Variants in EPHB1 observed in about 807,000 individuals in gnomAD.
EPHB1 encodes EPH receptor B1.
In EPHB1, 30 loss-of-function variants were observed where a neutral mutation model predicts 94.4. The ratio of observed to expected loss-of-function variants is 0.32; its 90% CI spans 0.24 to 0.43. EPHB1 has a LOEUF of 0.43. Ranked by LOEUF, EPHB1 falls within the 20% of genes least tolerant of loss-of-function variation. The probability of loss-of-function intolerance (pLI) is 1.00; values close to 1 mark genes in which losing one functional copy is unlikely to be tolerated. For missense variants in EPHB1, 1,055 were observed against 1,308.3 expected (o/e 0.81, Z 2.99); for synonymous variants, 522 against 489.1 (o/e 1.07, Z -0.89).
chr3:135,232,363 C>T (rs1041698857), intron 12 of EPHB1, among the ~76,000 whole-genome samples: 1 of 152,190 alleles, frequency 6.6e-6, no homozygotes, highest in Non-Finnish European at 1.5e-5. Flanking sequence ...CACATGGATG[C>T]CCCCTGAGGG....
intron 1 of EPHB1, among the ~76,000 whole-genome samples, chr3:134,912,842 T>G (rs949841825): frequency 6.6e-6 from 1 of 152,210 alleles, no homozygotes; most frequent in African/African-American, 2.4e-5. Flanking sequence ...AGTTTTCTTC[T>G]TGGTTATCTG....
At chr3:135,148,769 C>A (rs554282259) in intron 5 of EPHB1, among the ~76,000 whole-genome samples, 1 of 152,312 alleles carries the variant, frequency 6.6e-6, no homozygotes, top group South Asian at 2.1e-4. Flanking sequence ...TCCCCAAAGT[C>A]TTTGGTGGCA....
chr3:134,805,176 A>G lies in EPHB1; in HGVS notation c.58+9487A>G, dbSNP rs186159814. On this transcript the variant is annotated intron_variant, in intron 1 of 15. Coordinates refer to ENST00000398015, the MANE Select transcript of EPHB1 (RefSeq NM_004441.5). The stretch of plus-strand genomic sequence containing the variant: ...TCACGTGAATTCTTGGTGCTGAACT[A>G]TCTGTGCAGGTTCCTCCAGGGCTGT... Among the ~76,000 whole-genome samples the G allele has an allele frequency of 4.6e-5, 7 of 152,240 alleles. No homozygotes were observed. In the East Asian group the frequency reaches 1.2e-3, roughly 25 times the overall value.
At chr3:134,850,093 C>T (rs970792732) in intron 1 of EPHB1, among the ~76,000 whole-genome samples, 13 of 152,268 alleles carry the variant, frequency 8.5e-5, no homozygotes, top group Middle Eastern at 3.4e-3. Context: ...CCAGGGAAGA[C>T]AGGGCTGCAG....
intron 3 of EPHB1, among the ~76,000 whole-genome samples, chr3:134,954,670 GA>G (rs761834174): frequency 1.3e-5 from 2 of 152,220 alleles, no homozygotes; most frequent in Non-Finnish European, 2.9e-5. Context: ...CTGCATATGT[GA>G]AACTGGGACT....
At chr3:134,826,364 A>G (rs2036478845) in intron 1 of EPHB1, among the ~76,000 whole-genome samples, 1 of 152,044 alleles carries the variant, frequency 6.6e-6, no homozygotes, top group South Asian at 2.1e-4. Flanking sequence ...ACACCAGTCC[A>G]GATGCATTGC....
At chr3:135,105,295 T>A (rs1939170234) in intron 3 of EPHB1, among the ~76,000 whole-genome samples, 1 of 152,340 alleles carries the variant, frequency 6.6e-6, no homozygotes, top group African/African-American at 2.4e-5. Context: ...ATTCTTGAAT[T>A]CCCTATGTCA....
chr3:135,163,304 A>C (rs1031887180), intron 7 of EPHB1, among the ~76,000 whole-genome samples: 4 of 152,238 alleles, frequency 2.6e-5, no homozygotes, highest in Non-Finnish European at 5.9e-5. Context: ...CTCTGGAGTG[A>C]GGACCTTGCC....
intron 3 of EPHB1, among the ~76,000 whole-genome samples, chr3:135,050,082 G>A (rs1165088261): frequency 1.3e-5 from 2 of 152,130 alleles, no homozygotes; most frequent in African/African-American, 2.4e-5. Flanking sequence ...TCCTGTTGCT[G>A]GCATCCAAAT....
chr3:134,960,448 C>T (rs1443092981), intron 3 of EPHB1, among the ~76,000 whole-genome samples: 1 of 152,094 alleles, frequency 6.6e-6, no homozygotes, highest in Non-Finnish European at 1.5e-5. Context: ...ATTTTTGTTT[C>T]AAGGGCCTGT....
chr3:135,070,194 G>T (rs1008932768), intron 3 of EPHB1, among the ~76,000 whole-genome samples: 3 of 152,200 alleles, frequency 2.0e-5, no homozygotes, highest in Non-Finnish European at 2.9e-5. Flanking sequence ...GATACACAGA[G>T]TTATGCCTCC....
intron 9 of EPHB1, 25 bp downstream of exon 9, chr3:135,167,031 G>A (rs1284338892): frequency 2.5e-6 from 4 of 1,613,022 alleles, no homozygotes; most frequent in African/African-American, 1.3e-5. Flanking sequence ...GAGACCCGGT[G>A]TCTGACCCCC....
chr3:135,164,133 T>C (rs1941585056), intron 7 of EPHB1, among the ~76,000 whole-genome samples: 1 of 152,238 alleles, frequency 6.6e-6, no homozygotes, highest in African/African-American at 2.4e-5. Context: ...TTGTTAAGGA[T>C]GCTTCATTGG....
At chr3:135,090,669 T>C (rs1451322345) in intron 3 of EPHB1, among the ~76,000 whole-genome samples, 1 of 152,114 alleles carries the variant, frequency 6.6e-6, no homozygotes, top group Non-Finnish European at 1.5e-5. Context: ...AATAATCTGC[T>C]TAGGGAGGTC....
chr3:135,008,531 C>T (rs1352543169), intron 3 of EPHB1, among the ~76,000 whole-genome samples: 1 of 152,216 alleles, frequency 6.6e-6, no homozygotes, highest in Non-Finnish European at 1.5e-5. Flanking sequence ...TCAGCCAGCA[C>T]ACTCTTTGAA....
intron 4 of EPHB1, among the ~76,000 whole-genome samples, chr3:135,130,024 A>G (rs997266491): frequency 4.6e-5 from 7 of 152,212 alleles, no homozygotes; most frequent in African/African-American, 1.7e-4. Flanking sequence ...TTGGATAGTC[A>G]GGAAGCAGGG....
chr3:135,044,113 G>A (rs1009808382), intron 3 of EPHB1, among the ~76,000 whole-genome samples: 1 of 152,200 alleles, frequency 6.6e-6, no homozygotes. Context: ...ACTAACTTAA[G>A]GGGAATAAAA....
At position 135,241,266 on chromosome 3, in the gene EPHB1, A is replaced by T. The variant is rs1943776509; in HGVS notation, c.2465A>T (p.Glu822Val). The T allele has an allele frequency of 6.2e-7, 1 of 1,614,050 alleles. No homozygotes were observed. Among genetic ancestry groups the T allele is most frequent in the African/African-American group, 1.3e-5 (1 of 74,920 alleles). The part of the protein sequence containing the change: ...IVMWEVMSFG[E>V]RPYWDMSNQD... ...ATGTGGGAAGTCATGTCATTTGGAG[A>T]GAGACCCTATTGGGATATGTCCAAC... Residue 822 changes from glutamate (E) to valine (V), a missense_variant, in exon 13 of 16, where the codon GAG becomes GTG. Coordinates refer to ENST00000398015, the MANE Select transcript of EPHB1 (RefSeq NM_004441.5).
chr3:135,191,127 G>A (rs1258420672), intron 10 of EPHB1, among the ~76,000 whole-genome samples: 1 of 151,036 alleles, frequency 6.6e-6, no homozygotes, highest in Non-Finnish European at 1.5e-5. Flanking sequence ...GGAAGGGAGG[G>A]AGGGACAGAG....
Sources: gnomAD v4.1 joint callset for allele counts (sites outside exome capture counted in the v4.1 genomes callset) on GRCh38, gnomAD v4.1.1 for gene constraint, MANE v1.5 for transcripts, NCBI Gene and HGNC (gene_info 2026-07-23, HGNC 2026-07-21) for gene names.